MICAL2: variants seen among roughly 807,000 people sequenced by gnomAD.
MICAL2 encodes [F-actin]-monooxygenase MICAL2.
Under a neutral mutation model 127.3 loss-of-function variants are expected in MICAL2, and 77 were observed. That is an observed-to-expected ratio of 0.60 (90% confidence interval 0.50 to 0.73). The LOEUF (loss-of-function observed/expected upper bound fraction) is 0.73. MICAL2 is among the 30% of genes least tolerant of loss of function. The pLI is 0.00. For synonymous variants in MICAL2, 570 were observed against 551.1 expected, an observed-to-expected ratio of 1.03 and a Z score of -0.48; for missense variants, 1,351 against 1,434.4, an observed-to-expected ratio of 0.94 and a Z score of 0.94.
intron 1 of MICAL2, among the ~76,000 whole-genome samples, chr11:12,134,246 C>T (rs1231480238): frequency 3.9e-5 from 6 of 152,208 alleles, no homozygotes; most frequent in Non-Finnish European, 8.8e-5. Flanking sequence ...TATCCATGCT[C>T]CCCACTTTCT....
chr11:12,204,772 C>T (rs1386906099), intron 4 of MICAL2, among the ~76,000 whole-genome samples: 2 of 152,148 alleles, frequency 1.3e-5, no homozygotes, highest in Non-Finnish European at 2.9e-5. Context: ...TTGAGTGAAA[C>T]AGAGAAACAG....
chr11:12,312,601 C>T (rs1864186720), intron 29 of MICAL2, among the ~76,000 whole-genome samples: 1 of 152,158 alleles, frequency 6.6e-6, no homozygotes, highest in Non-Finnish European at 1.5e-5. Context: ...GGAGAAAAGG[C>T]ATACAAATTT....
At chr11:12,117,384 T>C (rs1258860189) in intron 1 of MICAL2, among the ~76,000 whole-genome samples, 2 of 152,332 alleles carry the variant, frequency 1.3e-5, no homozygotes, top group East Asian at 3.9e-4. Flanking sequence ...AGTGGGAGTC[T>C]AAGAACACCC....
chr11:12,345,798 G>A (rs1250322454), intron 32 of MICAL2, among the ~76,000 whole-genome samples: 2 of 151,646 alleles, frequency 1.3e-5, no homozygotes, highest in Admixed American at 1.3e-4. Context: ...ATGAAGGTGT[G>A]AGAGAGAGGG....
At chr11:12,246,359 A>G (rs1860740560) in intron 21 of MICAL2, among the ~76,000 whole-genome samples, 1 of 152,204 alleles carries the variant, frequency 6.6e-6, no homozygotes, top group Non-Finnish European at 1.5e-5. Context: ...GCTCCTCCAG[A>G]AGGGAGGCCA....
At chr11:12,166,101 G>A (rs1855484518) in intron 3 of MICAL2, among the ~76,000 whole-genome samples, 1 of 152,148 alleles carries the variant, frequency 6.6e-6, no homozygotes, top group Admixed American at 6.5e-5. Flanking sequence ...AGAAGAACCT[G>A]CAATATGTAA....
downstream of MICAL2, among the ~76,000 whole-genome samples, chr11:12,292,649 C>A (rs955664792): frequency 6.6e-6 from 1 of 152,198 alleles, no homozygotes; most frequent in Non-Finnish European, 1.5e-5. Flanking sequence ...GGATGGCAGG[C>A]ACAGAAGTGA....
chr11:12,343,564 A>T (rs995860326), intron 32 of MICAL2, among the ~76,000 whole-genome samples: 2 of 152,190 alleles, frequency 1.3e-5, no homozygotes, highest in Admixed American at 1.3e-4. Context: ...GCCAGATTTT[A>T]GGACACATAA....
chr11:12,191,571 C>G (rs1859126905), intron 3 of MICAL2, among the ~76,000 whole-genome samples: 1 of 151,770 alleles, frequency 6.6e-6, no homozygotes, highest in African/African-American at 2.4e-5. Context: ...TGATACCAGC[C>G]TGGGTAACAT....
At chr11:12,345,204 G>A (rs150956306) in intron 32 of MICAL2, among the ~76,000 whole-genome samples, 2,337 of 152,202 alleles carry the variant, frequency 0.015, 33 homozygotes, top group South Asian at 0.034. Context: ...CTCGTGTTTC[G>A]TGAGAAGCTG....
chr11:12,349,420 T>C (rs4237713), intron 32 of MICAL2, among the ~76,000 whole-genome samples: 120,393 of 152,102 alleles, frequency 0.79, 47,783 homozygotes, highest in East Asian at 0.9. Context: ...ACCACCTGGG[T>C]ACTCAGTAGG....
intron 3 of MICAL2, among the ~76,000 whole-genome samples, chr11:12,173,693 C>T (rs549423483): frequency 4.6e-5 from 7 of 152,292 alleles, no homozygotes; most frequent in Non-Finnish European, 7.4e-5. Flanking sequence ...TATGCAAAAA[C>T]TCCCTGTTCC....
At chr11:12,354,252 G>A (rs563108385) in intron 33 of MICAL2, among the ~76,000 whole-genome samples, 4 of 152,312 alleles carry the variant, frequency 2.6e-5, no homozygotes, top group African/African-American at 9.6e-5. Context: ...CAAGGAGGGC[G>A]GGTCACCTGA....
intron 1 of MICAL2, among the ~76,000 whole-genome samples, chr11:12,116,172 GTTT>G (rs1850007071): frequency 6.6e-6 from 1 of 151,414 alleles, no homozygotes; most frequent in South Asian, 2.1e-4. Context: ...TAGAGACGGG[GTTT>G]CACTATGTTA....
downstream of MICAL2, chr11:12,293,468 C>G: frequency 1.0e-5 from 15 of 1,442,676 alleles, no homozygotes; most frequent in Non-Finnish European, 1.4e-5. Flanking sequence ...GAAGAAAAAA[C>G]AGGGAGGGGG....
At chr11:12,208,561 A>C (rs1855026822) in intron 5 of MICAL2, among the ~76,000 whole-genome samples, 1 of 152,252 alleles carries the variant, frequency 6.6e-6, no homozygotes, top group Non-Finnish European at 1.5e-5. Flanking sequence ...TTCTAGAGCA[A>C]CTGTGAAATA....
At chr11:12,216,646 G>C (rs1856190457) in intron 8 of MICAL2, among the ~76,000 whole-genome samples, 2 of 152,188 alleles carry the variant, frequency 1.3e-5, no homozygotes, top group Admixed American at 1.3e-4. Flanking sequence ...TTTGGAGGCA[G>C]ATGGGGGCTC....
At chr11:12,343,185 A>G (rs1464110002) in intron 32 of MICAL2, among the ~76,000 whole-genome samples, 1 of 152,122 alleles carries the variant, frequency 6.6e-6, no homozygotes, top group African/African-American at 2.4e-5. Flanking sequence ...AGGTGGGCGG[A>G]TCACCTGAGG....
chr11:12,156,951 T>C (rs1854258041), intron 2 of MICAL2, among the ~76,000 whole-genome samples: 1 of 152,194 alleles, frequency 6.6e-6, no homozygotes, highest in African/African-American at 2.4e-5. Context: ...CTTAGTGACG[T>C]AGAGCTGGGA....
Sources: allele counts gnomAD v4.1 joint callset (sites outside exome capture counted in the v4.1 genomes callset), GRCh38; gene constraint gnomAD v4.1.1; transcripts MANE v1.5; gene names NCBI Gene and HGNC (gene_info 2026-07-23, HGNC 2026-07-21).